Variants in FANCI observed in about 807,000 individuals in gnomAD.
The protein encoded by FANCI is FA complementation group I, also known as Fanconi anemia group I protein.
Under a neutral mutation model 176.1 loss-of-function variants are expected in FANCI, and 156 were observed. That is an observed-to-expected ratio of 0.89 (90% confidence interval 0.78 to 1.01). FANCI has a LOEUF of 1.01. FANCI is among the 50% of genes least tolerant of loss of function. The pLI is 0.00. For missense variants in FANCI, 1,678 were observed against 1,534.1 expected (o/e 1.09, Z -1.57); for synonymous variants, 613 against 541.7 (o/e 1.13, Z -1.83).
Position 89,300,298 on chromosome 15 carries a change from A to G in FANCI, c.2804-2A>G, listed in dbSNP as rs747291682. 11 of 1,612,820 alleles carry G rather than the reference A, an allele frequency of 6.8e-6. No individual in the cohort carries two copies. Among genetic ancestry groups the G allele is most frequent in the South Asian group, 2.2e-5 (2 of 90,982 alleles). On this transcript the variant is annotated splice_acceptor_variant, in intron 25 of 37. Transcript: ENST00000310775. LOFTEE classifies it high-confidence loss of function. Reference sequence around the variant, plus strand: ...AGACAAGAGTTTCTTTTCCATTCCTAGATGTCACAGATAAGGAAGGAGAAG... The same window carrying G: ...AGACAAGAGTTTCTTTTCCATTCCTGGATGTCACAGATAAGGAAGGAGAAG...
intron 8 of FANCI, 42 bp from the exon 9 acceptor site, chr15:89,264,480 G>A (rs2052853989): frequency 6.6e-7 from 1 of 1,507,176 alleles, no homozygotes; most frequent in Admixed American, 1.7e-5. Flanking sequence ...TGGTTATTTT[G>A]CTGTTAATTG....
chr15:89,313,036 GAA>G, intron 35 of FANCI, 64 bp downstream of exon 35: 1 of 1,476,260 alleles, frequency 6.8e-7, no homozygotes, highest in Non-Finnish European at 9.5e-7. Context: ...TGAAGCGGAA[GAA>G]GCCAGTGACA....
Position 89,306,150 on chromosome 15 carries a change from G to T in FANCI, c.3493G>T (p.Asp1165Tyr), listed in dbSNP as rs1362336885. The T allele has an allele frequency of 1.9e-6, 3 of 1,614,152 alleles. No individual in the cohort carries two copies. Among genetic ancestry groups the T allele is most frequent in the Admixed American group, 1.7e-5 (1 of 60,002 alleles). Residue 1165 changes from aspartate (D) to tyrosine (Y), a missense_variant, in exon 32 of 38, where the codon GAC becomes TAC. This residue lies in a region of FANCI where 1,204 missense variants were observed against 1,077.4 expected (regional missense o/e 1.12). Transcript: ENST00000310775. ...CAGCTGTGTGGACACCTTGTTAAAG[G>T]ACTTGTGCAAAATGTACACCACACT... Reference protein sequence around the residue: ...SGSCVDTLLKDLCKMYTTLTA... With the variant: ...SGSCVDTLLKYLCKMYTTLTA...
intron 24 of FANCI, among the ~76,000 whole-genome samples, 186 bp from the exon 25 acceptor site, chr15:89,299,613 TG>T (rs1429511942): frequency 6.6e-6 from 1 of 152,192 alleles, no homozygotes. Flanking sequence ...AGGAGAGAAT[TG>T]ACTATCAGTG....
chr15:89,280,131 C>T (rs533271740), intron 14 of FANCI, among the ~76,000 whole-genome samples: 1 of 152,196 alleles, frequency 6.6e-6, no homozygotes, highest in Non-Finnish European at 1.5e-5. Flanking sequence ...AAGCAATTCT[C>T]CTGCCTCAGC....
chr15:89,256,942 T>C (rs978578301), intron 2 of FANCI, among the ~76,000 whole-genome samples: 6 of 152,216 alleles, frequency 3.9e-5, no homozygotes, highest in Non-Finnish European at 5.9e-5. Context: ...AGTCTCGCTC[T>C]GTCACCCAGG....
chr15:89,270,356 C>T (rs920655815), intron 10 of FANCI, among the ~76,000 whole-genome samples: 1 of 152,078 alleles, frequency 6.6e-6, no homozygotes, highest in Non-Finnish European at 1.5e-5. Flanking sequence ...ATATGTATCC[C>T]TTTGTATTAG....
intron 8 of FANCI, among the ~76,000 whole-genome samples, chr15:89,264,258 A>G (rs2052844457): frequency 6.6e-6 from 1 of 152,194 alleles, no homozygotes; most frequent in South Asian, 2.1e-4. Context: ...TATCTCTTGT[A>G]TTGCCACATT....
At chr15:89,266,330 T>C (rs2052959871) in intron 9 of FANCI, among the ~76,000 whole-genome samples, 1 of 141,106 alleles carries the variant, frequency 7.1e-6, no homozygotes, top group African/African-American at 2.5e-5. Context: ...CCTGGCTAAT[T>C]TTTTTTTTTT....
At position 89,282,184 on chromosome 15, in the gene FANCI, C is replaced by T. The variant is rs1349954305; in HGVS notation, c.1583+349C>T. ...AGAGCTTGTGATGTCAAGTACTTTG[C>T]TCTACTACATTAGAATAATCTTCAG... On this transcript the variant is annotated intron_variant, in intron 16 of 37. Transcript: ENST00000310775. 3 of 331,068 alleles carry T rather than the reference C, an allele frequency of 9.1e-6. No homozygotes were observed. In the East Asian group the frequency reaches 2.2e-4, roughly 25 times the overall value. The allele number at this position is 331,068 out of a possible 1,614,324, so 20.5% of individuals were successfully genotyped here. A position where few individuals can be genotyped will look rare whatever the true frequency, so the allele number is the denominator to read the frequency against.
intron 35 of FANCI, among the ~76,000 whole-genome samples, chr15:89,313,608 A>ATT (rs1206536696): frequency 1.3e-5 from 2 of 152,344 alleles, no homozygotes; most frequent in East Asian, 3.9e-4. Flanking sequence ...AAAGGTGAAA[A>ATT]TTAGTACAGC....
intron 24 of FANCI, among the ~76,000 whole-genome samples, chr15:89,297,013 G>C (rs1211897019): frequency 1.3e-5 from 2 of 150,428 alleles, no homozygotes; most frequent in Non-Finnish European, 1.5e-5. Flanking sequence ...TGGCCTGGCG[G>C]GGGCTGACCC....
At chr15:89,313,002 T>G in intron 35 of FANCI, 30 bp downstream of exon 35, 1 of 1,602,754 alleles carries the variant, frequency 6.2e-7, no homozygotes, top group Non-Finnish European at 8.5e-7. Context: ...CGTTAAAATA[T>G]GCTTGTTGGT....
At position 89,292,817 on chromosome 15, in the gene FANCI, T is replaced by A; in HGVS notation, c.2122T>A (p.Ser708Thr). 6.2e-7 allele frequency: 1 copy of A among 1,614,020 alleles called. No individual in the cohort carries two copies. The highest frequency in any genetic ancestry group is 8.5e-7 in the Non-Finnish European group (1 of 1,179,984). ...FYEDLDDILE[S>T]ITNRMIKSEL... ...CGAAGACCTAGATGATATATTGGAG[T>A]CCATTACTAATAGAATGATTAAGAG... Residue 708 changes from serine to threonine, a missense_variant, in exon 21 of 38, where the codon TCC becomes ACC. This residue lies in a region of FANCI where 1,204 missense variants were observed against 1,077.4 expected (regional missense o/e 1.12). Coordinates refer to ENST00000310775, the MANE Select transcript of FANCI (RefSeq NM_001113378.2).
At position 89,247,664 on chromosome 15, in the gene FANCI, T is replaced by C. The variant is rs369268726; in HGVS notation, c.17T>C (p.Leu6Ser). 69 of 1,613,940 alleles carry C rather than the reference T, an allele frequency of 4.3e-5. No homozygotes were observed. Among genetic ancestry groups the C allele is most frequent in the Non-Finnish European group, 5.3e-5 (62 of 1,179,968 alleles). The change falls in exon 2 of 38, where the codon TTA becomes TCA. Residue 6 changes from leucine (L) to serine (S), a missense_variant. Transcript: ENST00000310775. ...TGAGCAACAATGGACCAGAAGATTT[T>C]ATCTCTAGCAGCAGAAAAAACAGCA... MDQKI[L>S]SLAAEKTADK...
intron 9 of FANCI, among the ~76,000 whole-genome samples, chr15:89,265,210 A>AT (rs1482168099): frequency 6.6e-6 from 1 of 151,864 alleles, no homozygotes; most frequent in Non-Finnish European, 1.5e-5. Flanking sequence ...TTTTTGTTTC[A>AT]TTTTGTTTTG....
At chr15:89,309,727 TAAA>T (rs1265020684) in intron 34 of FANCI, among the ~76,000 whole-genome samples, 3 of 152,190 alleles carry the variant, frequency 2.0e-5, no homozygotes, top group East Asian at 1.9e-4. Flanking sequence ...TCAAGAAAAA[TAAA>T]AACAGTGCTG....
In FANCI at chr15:89,299,928, TCTATCA is replaced by T; in HGVS notation, c.2766_2771del (p.Phe922_Gln924delinsLeu). 1 of 1,614,144 alleles carries T rather than the reference TCTATCA, an allele frequency of 6.2e-7. No individual in the cohort carries two copies. Among genetic ancestry groups the T allele is most frequent in the Non-Finnish European group, 8.5e-7 (1 of 1,179,990 alleles). Reference sequence around the variant, plus strand: ...AAAATATTCAGTGCTGTGCAACAGTTCTATCAGCCCAAGATTCAGCAGTTTCTCAGA... The same window carrying T: ...AAAATATTCAGTGCTGTGCAACAGTTGCCCAAGATTCAGCAGTTTCTCAGA... On this transcript the variant is annotated inframe_deletion, in exon 25 of 38. Transcript: ENST00000310775.
At chr15:89,304,673 A>ATGTT (rs1169134187) in intron 28 of FANCI, among the ~76,000 whole-genome samples, 6 of 152,008 alleles carry the variant, frequency 3.9e-5, no homozygotes, top group African/African-American at 1.5e-4. Flanking sequence ...TAACACTGGG[A>ATGTT]TGTTGTGCCT....
Sources: allele counts gnomAD v4.1 joint callset (sites outside exome capture counted in the v4.1 genomes callset), GRCh38; gene constraint gnomAD v4.1.1; regional missense constraint gnomAD v4.1.1; transcripts MANE v1.5; gene names NCBI Gene and HGNC (gene_info 2026-07-23, HGNC 2026-07-21).